The following MAP3K11 variants were observed in gnomAD, a reference collection of about 807,000 sequenced individuals.
MAP3K11 encodes the protein mitogen-activated protein kinase kinase kinase 11.
Under a neutral mutation model 84.9 loss-of-function variants are expected in MAP3K11, and 46 were observed. The observed-to-expected ratio is 0.54, with a 90% CI of 0.43 to 0.69. The LOEUF (loss-of-function observed/expected upper bound fraction) is 0.69. Ranked by LOEUF, MAP3K11 falls within the 30% of genes least tolerant of loss-of-function variation. The probability of loss-of-function intolerance (pLI) is 0.00; values close to 1 mark genes in which losing one functional copy is unlikely to be tolerated. For synonymous variants in MAP3K11, 527 were observed against 514.7 expected (o/e 1.02, Z -0.32); for missense variants, 1,053 against 1,198.3 (o/e 0.88, Z 1.79).
intron 8 of MAP3K11, among the ~76,000 whole-genome samples, chr11:65,603,939 G>C (rs917159805): frequency 2.6e-5 from 4 of 152,168 alleles, no homozygotes; most frequent in African/African-American, 9.6e-5. Context: ...TGGGGGCTGC[G>C]GCTCTCTCAG....
intron 9 of MAP3K11, among the ~76,000 whole-genome samples, 183 bp downstream of exon 9, chr11:65,599,211 T>G (rs1477689616): frequency 6.6e-6 from 1 of 152,134 alleles, no homozygotes; most frequent in African/African-American, 2.4e-5. Context: ...CTGGACCACC[T>G]GATAGCTGAA....
chr11:65,599,896 A>G, intron 8 of MAP3K11, 128 bp from the exon 9 acceptor site: 4 of 1,007,792 alleles, frequency 4.0e-6, no homozygotes, highest in South Asian at 3.0e-5. Flanking sequence ...CTGGTCCCAC[A>G]GGTCCCATGG....
intron 8 of MAP3K11, among the ~76,000 whole-genome samples, chr11:65,601,574 G>A (rs947625459): frequency 6.6e-6 from 1 of 151,728 alleles, no homozygotes; most frequent in East Asian, 1.9e-4. Context: ...GGCTAACACG[G>A]TGAAACCCTG....
chr11:65,611,892 A>C (rs1370241470), intron 1 of MAP3K11: 2 of 152,254 alleles, frequency 1.3e-5, no homozygotes, highest in African/African-American at 4.8e-5. Context: ...GCACCCTACC[A>C]GGGATGAGAA....
At chr11:65,599,978 A>G (rs1418832608) in intron 8 of MAP3K11, among the ~76,000 whole-genome samples, 2 of 152,198 alleles carry the variant, frequency 1.3e-5, no homozygotes, top group East Asian at 3.9e-4. Flanking sequence ...GTGCAGGTGG[A>G]GGAAGCGGCA....
In MAP3K11 at chr11:65,599,423, T is replaced by C. The variant is rs753282799; in HGVS notation, c.2177A>G (p.Lys726Arg). ...GGGCTCCTCCTCACGTCGGGGGCTC[T>C]TGGCTGACCGCTGGCCCACAGGGAT... ...LGIPVGQRSA[K>R]SPRREEEPRG... The change falls in exon 9 of 10, where the codon AAG becomes AGG. Residue 726 changes from lysine (K) to arginine (R), a missense_variant. Lys to Arg is a conservative substitution (Grantham distance 26, BLOSUM62 2). Coordinates refer to ENST00000309100, the MANE Select transcript of MAP3K11 (RefSeq NM_002419.4). The C allele has an allele frequency of 5.9e-6, 9 of 1,528,648 alleles. No homozygotes were observed. The highest frequency in any genetic ancestry group is 7.8e-6 in the Non-Finnish European group (9 of 1,149,354). 94.7% of individuals were successfully genotyped at this position (1,528,648 alleles called of 1,614,324 possible).
Position 65,598,463 on chromosome 11 carries a change from A to AG in MAP3K11, c.2371dup (p.Leu791ProfsTer71). ...GCGGGGTGCAGGCTGTGGTGATGGCAGGGGAGAAGGCCGTGGCCCAGCTGA... is the reference window on the plus strand; with the variant it reads ...GCGGGGTGCAGGCTGTGGTGATGGCAGGGGGAGAAGGCCGTGGCCCAGCTGA... On this transcript the variant is annotated frameshift_variant, in exon 10 of 10. Transcript: ENST00000309100. LOFTEE classifies it high-confidence loss of function. 6.2e-7 allele frequency: 1 copy of AG among 1,613,084 alleles called. No individual in the cohort carries two copies. The highest frequency in any genetic ancestry group is 8.5e-7 in the Non-Finnish European group (1 of 1,179,428).
In MAP3K11 at chr11:65,606,771, G is replaced by A; in HGVS notation, c.1523C>T (p.Pro508Leu). 6.2e-7 allele frequency: 1 copy of A among 1,608,000 alleles called. No individual in the cohort carries two copies. The highest frequency in any genetic ancestry group is 8.5e-7 in the Non-Finnish European group (1 of 1,177,430). The change falls in exon 6 of 10, where the codon CCC (proline) becomes CTC (leucine). Residue 508 changes from proline to leucine, a missense_variant. Physicochemically the swap from Pro to Leu is moderately conservative, Grantham distance 98 (BLOSUM62 -3). This residue lies in a region of MAP3K11 where 583 missense variants were observed against 566.6 expected (regional missense o/e 1.03). Coordinates refer to ENST00000309100, the MANE Select transcript of MAP3K11 (RefSeq NM_002419.4). The part of the protein sequence containing the change: ...FKHRITVQAS[P>L]GLDRRRNVFE... ...GACGTTTCTCCTCCGGTCAAGGCCG[G>A]GTGAGGCCTGCACGGTGATGCGGTG...
chr11:65,606,902 A>G, intron 5 of MAP3K11, 98 bp from the exon 6 acceptor site: 1 of 749,172 alleles, frequency 1.3e-6, no homozygotes, highest in Non-Finnish European at 2.3e-6. Context: ...CAGGCCACAT[A>G]GGGAGCGGCA....
intron 5 of MAP3K11, 27 bp downstream of exon 5, chr11:65,607,243 G>T: frequency 6.8e-7 from 1 of 1,464,826 alleles, no homozygotes. Context: ...GCCAATGGCG[G>T]GGGACGCCCC....
chr11:65,599,734 C>A lies in MAP3K11; in HGVS notation c.1866G>T (p.Glu622Asp), dbSNP rs1304476407. The A allele has an allele frequency of 2.5e-6, 4 of 1,590,118 alleles. No individual in the cohort carries two copies. The highest frequency in any genetic ancestry group is 2.2e-5 in the South Asian group (2 of 88,958). The change falls in exon 9 of 10, where the codon GAG becomes GAT. Residue 622 changes from glutamate to aspartate, a missense_variant. Coordinates refer to ENST00000309100, the MANE Select transcript of MAP3K11 (RefSeq NM_002419.4). The part of the protein sequence containing the change: ...NPPRPSLEPE[E>D]PKRPVPAERG... ...GCTCTGCGGGGACAGGCCTCTTGGG[C>A]TCCTCGGGCTCCAGGCTAGGCCGCG... is the stretch of plus-strand genomic sequence containing the variant.
In MAP3K11 at chr11:65,607,816, T is replaced by G. The variant is rs1173196729; in HGVS notation, c.1070A>C (p.Asp357Ala). Residue 357 changes from aspartate (D) to alanine (A), a missense_variant and splice_region_variant, in exon 4 of 10, where the codon GAC (aspartate) becomes GCC (alanine). By Grantham distance (126) the Asp-to-Ala change is moderately radical. This residue lies in a region of MAP3K11 where 310 missense variants were observed against 464.5 expected (regional missense o/e 0.67). Transcript: ENST00000309100. ...GCGGTGGGGGTCCTGCGCCCAGCAG[T>G]CTAGGGGCACGGCGTGCAGCGGGGA... ...CPEPFAQLMA[D>A]CWAQDPHRRP... 10 of 1,609,380 alleles carry G rather than the reference T, an allele frequency of 6.2e-6. No homozygotes were observed. Among genetic ancestry groups the G allele is most frequent in the African/African-American group, 2.7e-5 (2 of 74,756 alleles).
chr11:65,612,940 A>C, intron 1 of MAP3K11, 78 bp downstream of exon 1: 1 of 1,472,622 alleles, frequency 6.8e-7, no homozygotes, highest in Non-Finnish European at 9.0e-7. Context: ...AGTAGACCCT[A>C]AGCTAGGCTC....
In MAP3K11 at chr11:65,613,852, G is replaced by A; in HGVS notation, c.-96C>T. The A allele has an allele frequency of 5.2e-6, 7 of 1,353,202 alleles. No individual in the cohort carries two copies. Among genetic ancestry groups the A allele is most frequent in the Non-Finnish European group, 6.8e-6 (7 of 1,024,592 alleles). 83.8% of individuals were successfully genotyped at this position (1,353,202 alleles called of 1,614,324 possible). On this transcript the variant is annotated 5_prime_UTR_variant, in exon 1 of 10. Coordinates refer to ENST00000309100, the MANE Select transcript of MAP3K11 (RefSeq NM_002419.4). ...GCCAAGGCCCTAGTCCCGGAACCTG[G>A]GCATCCGGGCCCTGGCCCTCAGCCC...
At chr11:65,608,590 A>G (rs112995557) in intron 1 of MAP3K11, 142 bp from the exon 2 acceptor site, 37 of 638,986 alleles carry the variant, frequency 5.8e-5, no homozygotes, top group African/African-American at 4.3e-4. Context: ...TTGAGGACCT[A>G]CTTGAGGTCA....
intron 8 of MAP3K11, among the ~76,000 whole-genome samples, chr11:65,601,923 G>A (rs1854460256): frequency 1.3e-5 from 2 of 151,850 alleles, no homozygotes; most frequent in Non-Finnish European, 2.9e-5. Flanking sequence ...GAAAGAGTTG[G>A]CCGGGTGCGG....
chr11:65,602,962 CA>C, intron 8 of MAP3K11, among the ~76,000 whole-genome samples: 1 of 152,068 alleles, frequency 6.6e-6, no homozygotes, highest in Admixed American at 6.5e-5. Flanking sequence ...AAAAATTAGC[CA>C]AGCATGGCAT....
intron 8 of MAP3K11, among the ~76,000 whole-genome samples, 153 bp from the exon 9 acceptor site, chr11:65,599,921 A>T (rs949246805): frequency 3.3e-5 from 5 of 152,136 alleles, no homozygotes; most frequent in African/African-American, 1.2e-4. Context: ...CCCATCACAT[A>T]CCCACATTCT....
rs773685190 is a variant in MAP3K11, at chr11:65,613,642, C to G, written c.115G>C (p.Ala39Pro). The G allele has an allele frequency of 4.3e-6, 7 of 1,612,940 alleles. No individual in the cohort carries two copies. In the South Asian group the frequency reaches 7.7e-5, roughly 18 times the overall value. Residue 39 changes from alanine (A) to proline (P), a missense_variant, in exon 1 of 10, where the codon GCG becomes CCG. Around this residue, in one of 3 missense-constraint regions of MAP3K11, gnomAD observed 160 missense variants for 167.3 expected, o/e 0.96. Coordinates refer to ENST00000309100, the MANE Select transcript of MAP3K11 (RefSeq NM_002419.4). ...GTCCACACCGGGTTGGCATAACCCG[C>G]TGCCTTTGGAGACCCCTCAGGCCGG... is the stretch of plus-strand genomic sequence containing the variant. ...GGRPEGSPKAAGYANPVWTAL... is the reference protein window; with the variant it reads ...GGRPEGSPKAPGYANPVWTAL...
Sources: allele counts gnomAD v4.1 joint callset (sites outside exome capture counted in the v4.1 genomes callset), GRCh38; gene constraint gnomAD v4.1.1; regional missense constraint gnomAD v4.1.1; transcripts MANE v1.5; gene names NCBI Gene and HGNC (gene_info 2026-07-23, HGNC 2026-07-21).